SCFD2: variants seen among roughly 807,000 people sequenced by gnomAD.
SCFD2 encodes sec1 family domain containing 2, also known as sec1 family domain-containing protein 2.
SCFD2 carries 54 observed loss-of-function variants against 58.9 expected under a neutral mutation model. The observed-to-expected ratio is 0.92, with a 90% CI of 0.74 to 1.15. SCFD2 has a LOEUF of 1.15. Ranked by LOEUF, SCFD2 falls within the 50% of genes most tolerant of loss-of-function variation. The pLI is 0.00. For missense variants in SCFD2, 805 were observed against 836.6 expected, an observed-to-expected ratio of 0.96 and a Z score of 0.47; for synonymous variants, 321 against 335.9, an observed-to-expected ratio of 0.96 and a Z score of 0.49.
intron 5 of SCFD2, among the ~76,000 whole-genome samples, chr4:53,041,881 C>A (rs773503292): frequency 1.3e-5 from 2 of 152,110 alleles, no homozygotes; most frequent in African/African-American, 2.4e-5. Context: ...CATTTGCTAC[C>A]CTCAAGAGTT....
In SCFD2 at chr4:53,350,207, C is replaced by T. The variant is rs570444334; in HGVS notation, c.1007+2391G>A. On this transcript the variant is annotated intron_variant, in intron 2 of 8. Transcript: ENST00000401642. ...GTTTCCATTTTCCTTTGAAGAACCA[C>T]CCCTCCGCCATGCCATATGATATTA... Among the ~76,000 whole-genome samples, 11 of 152,302 alleles carry T rather than the reference C, an allele frequency of 7.2e-5. No individual in the cohort carries two copies. The South Asian group carries it at 2.3e-3, about 32-fold the overall frequency.
intron 4 of SCFD2, among the ~76,000 whole-genome samples, chr4:53,217,707 C>T (rs986765399): frequency 2.0e-5 from 3 of 152,152 alleles, no homozygotes; most frequent in Admixed American, 2.0e-4. Context: ...GCTTATTTTG[C>T]TCCTTAGTTG....
intron 2 of SCFD2, among the ~76,000 whole-genome samples, chr4:53,346,831 C>T (rs1734071600): frequency 1.3e-5 from 2 of 152,274 alleles, no homozygotes; most frequent in South Asian, 4.2e-4. Context: ...AAGTAAGAGA[C>T]AACAACTTTC....
chr4:52,890,961 G>T (rs1473478413), intron 7 of SCFD2, among the ~76,000 whole-genome samples: 1 of 151,978 alleles, frequency 6.6e-6, no homozygotes. Flanking sequence ...CTTTATTTGT[G>T]ACTCATTTGT....
At chr4:53,356,592 T>A (rs998728220) in intron 1 of SCFD2, among the ~76,000 whole-genome samples, 8 of 151,962 alleles carry the variant, frequency 5.3e-5, no homozygotes, top group Non-Finnish European at 7.4e-5. Context: ...GCCCAGCTAA[T>A]TTTTTGTATT....
At chr4:53,219,546 T>A (rs1728982907) in intron 4 of SCFD2, among the ~76,000 whole-genome samples, 4 of 152,140 alleles carry the variant, frequency 2.6e-5, no homozygotes, top group Admixed American at 2.6e-4. Flanking sequence ...CTGCTTTCCA[T>A]GTCTAGGAAA....
rs988032037 is a variant in SCFD2, at chr4:53,160,076, A to T, written c.1312-14494T>A. 7.2e-5 allele frequency among the ~76,000 whole-genome samples: 11 copies of T among 152,224 alleles called. 1 individual carries two copies. Among genetic ancestry groups the T allele is most frequent in the Admixed American group, 3.3e-4 (5 of 15,288 alleles). On this transcript the variant is annotated intron_variant, in intron 4 of 8. Coordinates refer to ENST00000401642, the MANE Select transcript of SCFD2 (RefSeq NM_152540.4). ...AGATGCAAAGAAGGGAGAGGGTGCT[A>T]GATCAATGTTACAGAAATTGTCAAG...
chr4:52,957,579 G>C (rs1577859300), intron 5 of SCFD2: 1 of 152,262 alleles, frequency 6.6e-6, no homozygotes, highest in Non-Finnish European at 1.5e-5. Context: ...CACTCACCAA[G>C]TGCGTTTACA....
chr4:53,185,093 T>G (rs552495176), intron 4 of SCFD2, among the ~76,000 whole-genome samples: 1 of 152,274 alleles, frequency 6.6e-6, no homozygotes, highest in South Asian at 2.1e-4. Context: ...CTTCACTTAA[T>G]TCAGGCTACA....
chr4:53,212,889 T>C (rs1375108707), intron 4 of SCFD2, among the ~76,000 whole-genome samples: 2 of 151,954 alleles, frequency 1.3e-5, no homozygotes, highest in South Asian at 2.1e-4. Flanking sequence ...ATTTCTTCTA[T>C]CTTGTTAACA....
At position 53,305,357 on chromosome 4, in the gene SCFD2, G is replaced by C. The variant is rs1732480158; in HGVS notation, c.1135+8279C>G. ...ACATAAGGGTTCAATTTCATTCTTT[G>C]TATGTGGACATCCAATTTTCCCAGC... On this transcript the variant is annotated intron_variant, in intron 3 of 8. Coordinates refer to ENST00000401642, the MANE Select transcript of SCFD2 (RefSeq NM_152540.4). 5.9e-5 allele frequency among the ~76,000 whole-genome samples: 9 copies of C among 151,898 alleles called. No individual in the cohort carries two copies. In the South Asian group the frequency reaches 1.9e-3, roughly 32 times the overall value.
At chr4:53,196,405 C>T (rs770250897) in intron 4 of SCFD2, among the ~76,000 whole-genome samples, 1 of 152,158 alleles carries the variant, frequency 6.6e-6, no homozygotes, top group Non-Finnish European at 1.5e-5. Flanking sequence ...TTGCAGTCCA[C>T]ATTTGTAATG....
At chr4:53,147,746 A>G (rs1312066789) in intron 4 of SCFD2, among the ~76,000 whole-genome samples, 1 of 152,248 alleles carries the variant, frequency 6.6e-6, no homozygotes, top group Non-Finnish European at 1.5e-5. Context: ...TGAGCCACAC[A>G]TAAAATATAC....
intron 4 of SCFD2, among the ~76,000 whole-genome samples, chr4:53,166,112 G>A (rs1726998820): frequency 1.3e-5 from 2 of 152,124 alleles, no homozygotes; most frequent in African/African-American, 4.8e-5. Context: ...TTTCACTCCT[G>A]TTTAAGGCTG....
At chr4:53,059,984 G>A (rs1353987560) in intron 5 of SCFD2, among the ~76,000 whole-genome samples, 1 of 152,064 alleles carries the variant, frequency 6.6e-6, no homozygotes, top group East Asian at 1.9e-4. Flanking sequence ...TAAGTGGGAA[G>A]AATAGAATCT....
At chr4:53,253,222 C>T (rs376597205) in intron 4 of SCFD2, among the ~76,000 whole-genome samples, 3 of 152,150 alleles carry the variant, frequency 2.0e-5, no homozygotes, top group Non-Finnish European at 2.9e-5. Context: ...TGGCAATCAT[C>T]AAAAAGTCAG....
intron 5 of SCFD2, among the ~76,000 whole-genome samples, chr4:53,138,644 C>T (rs768634038): frequency 2.6e-5 from 4 of 152,184 alleles, no homozygotes; most frequent in Admixed American, 6.5e-5. Flanking sequence ...TTGCCCACCA[C>T]GCTAGAAATC....
intron 4 of SCFD2, among the ~76,000 whole-genome samples, chr4:53,161,803 T>A (rs566273087): frequency 6.6e-5 from 10 of 152,270 alleles, no homozygotes; most frequent in Admixed American, 1.3e-4. Context: ...ATTTAATGAT[T>A]TAAGAACTCT....
intron 2 of SCFD2, among the ~76,000 whole-genome samples, chr4:53,329,553 A>T (rs2149129544): frequency 6.7e-6 from 1 of 150,286 alleles, no homozygotes; most frequent in African/African-American, 2.4e-5. Context: ...TAGAAGGAAA[A>T]CTAACAAACA....
Sources: gnomAD v4.1 joint callset for allele counts (sites outside exome capture counted in the v4.1 genomes callset) on GRCh38, gnomAD v4.1.1 for gene constraint, MANE v1.5 for transcripts, NCBI Gene and HGNC (gene_info 2026-07-23, HGNC 2026-07-21) for gene names.